DIPK1C: variants seen among roughly 807,000 people sequenced by gnomAD.
DIPK1C encodes familial non-conventional Alzheimer's dementia.
DIPK1C carries 33 observed loss-of-function variants against 28.0 expected under a neutral mutation model. The ratio of observed to expected loss-of-function variants is 1.18; its 90% CI spans 0.89 to 1.58. DIPK1C has a LOEUF of 1.58. DIPK1C is among the 40% of genes most tolerant of loss of function. The pLI is 0.00. For synonymous variants in DIPK1C, 255 were observed against 248.8 expected, an observed-to-expected ratio of 1.02 and a Z score of -0.23; for missense variants, 569 against 568.5, an observed-to-expected ratio of 1.00 and a Z score of -0.01.
intron 3 of DIPK1C, 40 bp downstream of exon 3, chr18:74,441,912 G>A (rs1986133565): frequency 6.3e-7 from 1 of 1,596,076 alleles, no homozygotes; most frequent in Non-Finnish European, 8.5e-7. Flanking sequence ...AACAGCCAAA[G>A]AGCACCCTCT....
chr18:74,460,178 C>T (rs996114767), upstream of DIPK1C, among the ~76,000 whole-genome samples: 4 of 152,170 alleles, frequency 2.6e-5, no homozygotes, highest in African/African-American at 9.7e-5. Flanking sequence ...GGATGTCCTC[C>T]GAGTTCCCGA....
intron 3 of DIPK1C, among the ~76,000 whole-genome samples, chr18:74,438,250 A>G (rs1986042302): frequency 6.6e-6 from 1 of 152,170 alleles, no homozygotes; most frequent in Non-Finnish European, 1.5e-5. Flanking sequence ...TACTTCTAAA[A>G]TGTGTGCGTG....
In DIPK1C at chr18:74,436,733, G is replaced by A; in HGVS notation, c.1042-14C>T. ...GTCACAGATGACCTGAGGGAAAGAAGGGTGGACAGTTAATTTAGGGCAGCA... is the reference window on the plus strand; with the variant it reads ...GTCACAGATGACCTGAGGGAAAGAAAGGTGGACAGTTAATTTAGGGCAGCA... On this transcript the variant is annotated splice_polypyrimidine_tract_variant and intron_variant, in intron 3 of 3. Transcript: ENST00000343998. 1 of 1,597,618 alleles carries A rather than the reference G, an allele frequency of 6.3e-7. No homozygotes were observed. The highest frequency in any genetic ancestry group is 2.3e-5 in the East Asian group (1 of 44,328).
At position 74,447,045 on chromosome 18, in the gene DIPK1C, T is replaced by C. The variant is rs968812752; in HGVS notation, c.437A>G (p.Glu146Gly). The change falls in exon 2 of 4, where the codon GAA becomes GGA. Residue 146 changes from glutamate to glycine, a missense_variant. Coordinates refer to ENST00000343998, the MANE Select transcript of DIPK1C (RefSeq NM_001044369.3). This position sits in a 1 kb window ranked among gnomAD's most constrained non-coding sequence, Gnocchi z 4.1. ...GEGGQDMPEA[E>G]LLLMVAGEVK... ...CTCCCCAGCCACCATCAGGAGGAGT[T>C]CGGCCTCGGGCATGTCCTGGCCACC... The C allele has an allele frequency of 9.0e-6, 14 of 1,549,462 alleles. No homozygotes were observed. The East Asian group carries it at 3.4e-4, about 38-fold the overall frequency.
rs948557177 is a variant in DIPK1C at position 74,436,251 on chromosome 18, G to C, written c.*250C>G. The C allele has an allele frequency of 2.1e-5, 11 of 523,592 alleles. No individual in the cohort carries two copies. The highest frequency in any genetic ancestry group is 5.0e-4 in the Middle Eastern group (1 of 2,006). The allele number at this position is 523,592 out of a possible 1,614,324, so 32.4% of individuals were successfully genotyped here. On this transcript the variant is annotated 3_prime_UTR_variant, in exon 4 of 4. Coordinates refer to ENST00000343998, the MANE Select transcript of DIPK1C (RefSeq NM_001044369.3). ...ACACAGGTTGGTGTCTTCTGACCGA[G>C]AGCCCTCCTGAAGGGAGGTCTGTAC...
the DIPK1C span, among the ~76,000 whole-genome samples, chr18:74,464,504 A>T: frequency 3.7e-3 from 562 of 152,368 alleles, 13 homozygotes; most frequent in East Asian, 2.3e-3. Context: ...GCTACCATCA[A>T]TAAACTTACA....
intron 1 of DIPK1C, among the ~76,000 whole-genome samples, chr18:74,452,403 T>TA (rs33910041): frequency 1.8e-4 from 27 of 151,050 alleles, no homozygotes; most frequent in East Asian, 5.8e-4. Flanking sequence ...TCCAGCCTTT[T>TA]AAAAAAAAAC....
At chr18:74,456,984 G>A in intron 1 of DIPK1C, 78 bp downstream of exon 1, 7 of 1,295,860 alleles carry the variant, frequency 5.4e-6, no homozygotes, top group Non-Finnish European at 5.9e-6. Flanking sequence ...AAGTCCCCGG[G>A]AAGGCTGGGG....
In DIPK1C at chr18:74,441,961, G is replaced by T. The variant is rs114846767; in HGVS notation, c.1032C>A (p.Asn344Lys). 460 of 1,613,324 alleles carry T rather than the reference G, an allele frequency of 2.9e-4. No individual in the cohort carries two copies. In the African/African-American group the frequency reaches 4.8e-3, roughly 17 times the overall value. ...TGGCGGACTCTCATACCTGCAGGTT[G>T]TTGTTTACGCGCTGCGCTCCGCATT... is the stretch of plus-strand genomic sequence containing the variant. ...VNKCGAQRVNNNLQVICDKIF... is the reference protein window; with the variant it reads ...VNKCGAQRVNKNLQVICDKIF... The change falls in exon 3 of 4, where the codon AAC becomes AAA. Residue 344 changes from asparagine (N) to lysine (K), a missense_variant. Transcript: ENST00000343998.
chr18:74,439,985 C>T (rs577191282), intron 3 of DIPK1C, among the ~76,000 whole-genome samples: 1 of 148,876 alleles, frequency 6.7e-6, no homozygotes, highest in South Asian at 2.1e-4. Context: ...CGCTCTGTTG[C>T]CCAGGCTGGA....
At chr18:74,454,272 G>C (rs1986458144) in intron 1 of DIPK1C, among the ~76,000 whole-genome samples, 1 of 152,140 alleles carries the variant, frequency 6.6e-6, no homozygotes, top group Non-Finnish European at 1.5e-5. Context: ...TCAGGGGGGT[G>C]TGGTTGGCTA....
chr18:74,450,761 G>A (rs1387071950), intron 1 of DIPK1C, among the ~76,000 whole-genome samples: 1 of 152,224 alleles, frequency 6.6e-6, no homozygotes, highest in Non-Finnish European at 1.5e-5. Flanking sequence ...GCCACCATCT[G>A]GCCACAGCTG....
upstream of DIPK1C, chr18:74,457,375 G>T: frequency 1.3e-6 from 1 of 775,118 alleles, no homozygotes; most frequent in Non-Finnish European, 1.6e-6. Context: ...GGGAGGGGCC[G>T]CGCGAGGGTT....
intron 3 of DIPK1C, among the ~76,000 whole-genome samples, chr18:74,440,287 C>T (rs1037804144): frequency 2.6e-5 from 4 of 152,138 alleles, no homozygotes; most frequent in African/African-American, 7.2e-5. Context: ...CATATTTTCT[C>T]ATATCCTTAA....
intron 1 of DIPK1C, among the ~76,000 whole-genome samples, chr18:74,456,174 C>G (rs1186199459): frequency 6.6e-6 from 1 of 152,158 alleles, no homozygotes; most frequent in African/African-American, 2.4e-5. Context: ...ACTATCTTCC[C>G]CTTTCTGGGA....
At chr18:74,439,780 A>G (rs1246352151) in intron 3 of DIPK1C, among the ~76,000 whole-genome samples, 2 of 152,210 alleles carry the variant, frequency 1.3e-5, no homozygotes, top group African/African-American at 2.4e-5. Flanking sequence ...TGATTGTGCC[A>G]CTGCACTTTG....
At chr18:74,459,320 G>T (rs190548641), upstream of DIPK1C, among the ~76,000 whole-genome samples, 2 of 152,262 alleles carry the variant, frequency 1.3e-5, no homozygotes, top group East Asian at 3.9e-4. Context: ...TTACTTTTGT[G>T]GGTTTTAAAA....
At chr18:74,442,604 T>C (rs142874020) in intron 2 of DIPK1C, among the ~76,000 whole-genome samples, 2,200 of 152,284 alleles carry the variant, frequency 0.014, 28 homozygotes, top group Non-Finnish European at 0.023. Context: ...GCTGGGATTA[T>C]AGGCATGAGC....
chr18:74,462,810 G>A (rs1403462263), upstream of DIPK1C, among the ~76,000 whole-genome samples: 2 of 152,166 alleles, frequency 1.3e-5, no homozygotes, highest in African/African-American at 2.4e-5. Context: ...GAGGGTGCAC[G>A]GTGGTATTTC....
Sources: allele counts gnomAD v4.1 joint callset (sites outside exome capture counted in the v4.1 genomes callset), GRCh38; gene constraint gnomAD v4.1.1; non-coding constraint Gnocchi (gnomAD v3.1); transcripts MANE v1.5; gene names NCBI Gene and HGNC (gene_info 2026-07-23, HGNC 2026-07-21).